NBEA: variants seen among roughly 807,000 people sequenced by gnomAD.
NBEA encodes neurobeachin, also known as lysosomal-trafficking regulator 2.
A neutral mutation model predicts 343.4 loss-of-function variants in NBEA; 44 were observed. The observed-to-expected ratio is 0.13, with a 90% confidence interval of 0.10 to 0.16. The LOEUF is 0.16. Among genes scored for constraint, NBEA ranks in the 10% least tolerant of loss-of-function variants. The pLI is 1.00. For synonymous variants in NBEA, 1,175 were observed against 1,238.7 expected (o/e 0.95, Z 1.08); for missense variants, 2,555 against 3,631.3 (o/e 0.70, Z 7.62).
chr13:35,179,732 A>G (rs781186222), intron 28 of NBEA: 87 of 979,600 alleles, frequency 8.9e-5, no homozygotes, highest in Non-Finnish European at 9.3e-5. Flanking sequence ...TTCTAGTGTT[A>G]GAAATAGAAG....
At chr13:35,236,034 T>A (rs763869942) in intron 34 of NBEA, among the ~76,000 whole-genome samples, 5 of 152,234 alleles carry the variant, frequency 3.3e-5, no homozygotes, top group African/African-American at 7.2e-5. Context: ...ACTATATGGA[T>A]GTAATATTTA....
At chr13:35,647,392 T>A (rs977319998) in intron 51 of NBEA, among the ~76,000 whole-genome samples, 5 of 152,144 alleles carry the variant, frequency 3.3e-5, no homozygotes, top group African/African-American at 1.2e-4. Context: ...GTATAAGGTG[T>A]TATTTTGTGA....
In NBEA at chr13:35,425,703, G is replaced by C. The variant is rs188177203; in HGVS notation, c.6180-6566G>C. Among the ~76,000 whole-genome samples, 4 of 152,246 alleles carry C rather than the reference G, an allele frequency of 2.6e-5. No individual in the cohort carries two copies. The East Asian group carries it at 7.7e-4, about 29-fold the overall frequency. ...CTGAGTTCAATTCCTGGGCATCCTT[G>C]TTAACTTTCTGTCTCATTGATCTGT... On this transcript the variant is annotated intron_variant, in intron 38 of 58. Coordinates refer to ENST00000379939, the MANE Select transcript of NBEA (RefSeq NM_001385012.1).
intron 1 of NBEA, among the ~76,000 whole-genome samples, chr13:34,988,746 A>T (rs1184660041): frequency 6.6e-6 from 1 of 150,914 alleles, no homozygotes; most frequent in Non-Finnish European, 1.5e-5. Flanking sequence ...ACTTTATCTA[A>T]TAGTTATATT....
At chr13:35,386,706 A>T (rs548250795) in intron 38 of NBEA, among the ~76,000 whole-genome samples, 3 of 152,316 alleles carry the variant, frequency 2.0e-5, no homozygotes, top group African/African-American at 7.2e-5. Context: ...ATGATTGACC[A>T]TCAAGGCAAA....
At chr13:35,172,252 C>CT (rs200928128) in intron 26 of NBEA, among the ~76,000 whole-genome samples, 5 of 150,478 alleles carry the variant, frequency 3.3e-5, no homozygotes, top group Admixed American at 2.0e-4. Flanking sequence ...GGGATGAAAC[C>CT]TTTTTTTGTT....
intron 38 of NBEA, among the ~76,000 whole-genome samples, chr13:35,406,905 C>T (rs1259935278): frequency 6.6e-6 from 1 of 151,498 alleles, no homozygotes. Context: ...TTATGTCTTA[C>T]AGTTGCATAC....
intron 37 of NBEA, among the ~76,000 whole-genome samples, chr13:35,349,594 T>C (rs898348030): frequency 2.7e-5 from 4 of 149,168 alleles, no homozygotes; most frequent in Non-Finnish European, 4.4e-5. Context: ...TCATATAAGA[T>C]TCAAAAAAAT....
chr13:35,037,944 C>T (rs1301924342), intron 1 of NBEA, among the ~76,000 whole-genome samples: 3 of 152,178 alleles, frequency 2.0e-5, no homozygotes, highest in Admixed American at 6.5e-5. Flanking sequence ...GCAAAGTCCC[C>T]CTGGCCACTA....
At chr13:35,083,695 A>G (rs1315292004) in intron 10 of NBEA, among the ~76,000 whole-genome samples, 2 of 152,308 alleles carry the variant, frequency 1.3e-5, no homozygotes, top group Admixed American at 1.3e-4. Flanking sequence ...AAGAAACTGC[A>G]TCAACTAATG....
At chr13:35,241,302 G>A (rs2152778429) in intron 34 of NBEA, among the ~76,000 whole-genome samples, 1 of 151,870 alleles carries the variant, frequency 6.6e-6, no homozygotes, top group African/African-American at 2.4e-5. Context: ...TTATGAGACA[G>A]AGCTCCATTG....
intron 1 of NBEA, among the ~76,000 whole-genome samples, chr13:34,960,372 T>C (rs1326223970): frequency 6.6e-6 from 1 of 152,086 alleles, no homozygotes; most frequent in East Asian, 1.9e-4. Flanking sequence ...GTAAAAAAGT[T>C]TATAGTAAGC....
intron 38 of NBEA, among the ~76,000 whole-genome samples, chr13:35,375,542 C>T (rs1375069268): frequency 1.3e-5 from 2 of 152,080 alleles, no homozygotes; most frequent in Non-Finnish European, 2.9e-5. Context: ...TATGATTAAA[C>T]ATACATATTT....
At chr13:35,313,090 G>T (rs2037478834) in intron 36 of NBEA, among the ~76,000 whole-genome samples, 1 of 152,170 alleles carries the variant, frequency 6.6e-6, no homozygotes, top group South Asian at 2.1e-4. Flanking sequence ...CAGAGGCCCT[G>T]CTTTTACTCC....
At chr13:35,467,527 C>T (rs2075439709) in intron 40 of NBEA, among the ~76,000 whole-genome samples, 1 of 151,504 alleles carries the variant, frequency 6.6e-6, no homozygotes, top group African/African-American at 2.4e-5. Context: ...TTCAGTCACT[C>T]ATGCTATGAA....
Position 35,164,339 on chromosome 13 carries a change from T to A in NBEA, c.4080-17T>A. 6.4e-7 allele frequency: 1 copy of A among 1,559,676 alleles called. No homozygotes were observed. Among genetic ancestry groups the A allele is most frequent in the Non-Finnish European group, 8.7e-7 (1 of 1,151,126 alleles). On this transcript the variant is annotated splice_polypyrimidine_tract_variant and intron_variant, in intron 23 of 58. Transcript: ENST00000379939. The stretch of plus-strand genomic sequence containing the variant: ...AAGTAAGCCAAAACATACTCATTTC[T>A]GTTTTCTGTATTTTAGCCATTCTAC...
chr13:35,184,329 T>G (rs904806660), intron 30 of NBEA, among the ~76,000 whole-genome samples: 4 of 152,006 alleles, frequency 2.6e-5, no homozygotes, highest in African/African-American at 9.7e-5. Context: ...GTGGTAGCAC[T>G]CAGGAGAGAT....
intron 9 of NBEA, 102 bp downstream of exon 9, chr13:35,070,207 G>C (rs1323793030): frequency 8.1e-7 from 1 of 1,236,100 alleles, no homozygotes; most frequent in South Asian, 2.1e-5. Context: ...TGATTTTTTT[G>C]CTTCTTTTTT....
rs776942249 is a variant in NBEA at position 35,045,036 on chromosome 13, A to G, written c.616A>G (p.Ser206Gly). Residue 206 changes from serine (S) to glycine (G), a missense_variant, in exon 3 of 59, where the codon AGT becomes GGT. Around this residue, in one of 21 missense-constraint regions of NBEA, gnomAD observed 185 missense variants for 290.6 expected, o/e 0.64. Coordinates refer to ENST00000379939, the MANE Select transcript of NBEA (RefSeq NM_001385012.1). The stretch of plus-strand genomic sequence containing the variant: ...TTTGTTCAGCATGCTTCGAGGAGAA[A>G]GTGGAATCTGGGTAAGCTGTGGTCG... Reference protein sequence around the residue: ...KLLFSMLRGESGIWPRHAVKL... With the variant: ...KLLFSMLRGEGGIWPRHAVKL... The G allele has an allele frequency of 4.3e-6, 7 of 1,609,194 alleles. No individual in the cohort carries two copies. The highest frequency in any genetic ancestry group is 1.7e-4 in the Middle Eastern group (1 of 6,052).
Sources: allele counts gnomAD v4.1 joint callset (sites outside exome capture counted in the v4.1 genomes callset), GRCh38; gene constraint gnomAD v4.1.1; regional missense constraint gnomAD v4.1.1; transcripts MANE v1.5; gene names NCBI Gene and HGNC (gene_info 2026-07-23, HGNC 2026-07-21).